Variants in ASNS observed in about 807,000 individuals in gnomAD.
ASNS encodes asparagine synthetase [glutamine-hydrolyzing].
In ASNS, 37 loss-of-function variants were observed where a neutral mutation model predicts 62.6. The ratio of observed to expected loss-of-function variants is 0.59; its 90% CI spans 0.45 to 0.78. The LOEUF is 0.78. Among genes scored for constraint, ASNS ranks in the 30% least tolerant of loss-of-function variants. ASNS has a pLI of 0.00. For synonymous variants in ASNS, 207 were observed against 237.9 expected, an observed-to-expected ratio of 0.87 and a Z score of 1.19; for missense variants, 520 against 682.4, an observed-to-expected ratio of 0.76 and a Z score of 2.65.
At chr7:97,886,174 G>A in the ASNS span, 21 of 278,198 alleles carry the variant, frequency 7.5e-5, no homozygotes, top group East Asian at 3.1e-4. Context: ...TTGAGACAGC[G>A]TCTTCCTCTG....
chr7:97,859,034 C>T (rs1791589216), intron 5 of ASNS, 79 bp from the exon 6 acceptor site: 2 of 1,424,206 alleles, frequency 1.4e-6, no homozygotes, highest in Non-Finnish European at 1.9e-6. Flanking sequence ...ACACAATCAT[C>T]AACATCTATC....
At chr7:97,861,381 T>C (rs1791712275) in intron 4 of ASNS, among the ~76,000 whole-genome samples, 1 of 152,232 alleles carries the variant, frequency 6.6e-6, no homozygotes. Flanking sequence ...AAGTTTTGCA[T>C]ATGGTTACAT....
At chr7:97,882,857 T>C in the ASNS span, among the ~76,000 whole-genome samples, 2 of 152,314 alleles carry the variant, frequency 1.3e-5, no homozygotes, top group African/African-American at 4.8e-5. Flanking sequence ...TCCACAGCAA[T>C]ATTAAAACTG....
At chr7:97,881,880 C>T in the ASNS span, among the ~76,000 whole-genome samples, 2 of 151,990 alleles carry the variant, frequency 1.3e-5, no homozygotes, top group Non-Finnish European at 1.5e-5. Context: ...ACAGCGTGAC[C>T]GATTTTATCT....
rs1791878380 is a variant in ASNS, at chr7:97,864,595, C to A, written c.250-99G>T. ...CTTCAGTATTTCTGAGCTCTATAAT[C>A]CTTTCATGCACTTTGGTGATTTAGG... is the stretch of plus-strand genomic sequence containing the variant. On this transcript the variant is annotated intron_variant, in intron 3 of 12. Coordinates refer to ENST00000394308, the MANE Select transcript of ASNS (RefSeq NM_001673.5). The A allele has an allele frequency of 6.1e-6, 5 of 823,950 alleles. No individual in the cohort carries two copies. In the South Asian group the frequency reaches 8.1e-5, roughly 13 times the overall value. 51.0% of individuals were successfully genotyped at this position (823,950 alleles called of 1,614,324 possible). A position where few individuals can be genotyped will look rare whatever the true frequency, so the allele number is the denominator to read the frequency against.
chr7:97,859,336 G>A lies in ASNS; in HGVS notation c.550C>T (p.His184Tyr), dbSNP rs1377609658. 22 of 1,613,910 alleles carry A rather than the reference G, an allele frequency of 1.4e-5. No individual in the cohort carries two copies. The highest frequency in any genetic ancestry group is 1.9e-5 in the Non-Finnish European group (22 of 1,179,970). Reference protein sequence around the residue: ...FLKVEPFLPGHYEVLDLKPNG... With the variant: ...FLKVEPFLPGYYEVLDLKPNG... ...GGCTTTAAATCCAAAACTTCATAGT[G>A]TCCAGGAAGAAAAGGCTCCACTTTT... Residue 184 changes from histidine to tyrosine, a missense_variant, in exon 5 of 13, where the codon CAC (histidine) becomes TAC (tyrosine). Coordinates refer to ENST00000394308, the MANE Select transcript of ASNS (RefSeq NM_001673.5).
chr7:97,896,275 C>T, the ASNS span, among the ~76,000 whole-genome samples: 1 of 151,956 alleles, frequency 6.6e-6, no homozygotes, highest in Non-Finnish European at 1.5e-5. Flanking sequence ...CTAGAAGCCT[C>T]ACACTACCTG....
chr7:97,901,686 T>C, the ASNS span, among the ~76,000 whole-genome samples: 1 of 152,136 alleles, frequency 6.6e-6, no homozygotes, highest in Non-Finnish European at 1.5e-5. Flanking sequence ...AACTCAAACC[T>C]TATGTGTGGG....
At chr7:97,886,444 G>A in the ASNS span, among the ~76,000 whole-genome samples, 1 of 152,198 alleles carries the variant, frequency 6.6e-6, no homozygotes, top group South Asian at 2.1e-4. Flanking sequence ...ACTGCGCCTG[G>A]CCTATATGAA....
upstream of ASNS, among the ~76,000 whole-genome samples, chr7:97,875,931 G>A (rs78806790): frequency 1.3e-5 from 2 of 151,298 alleles, no homozygotes; most frequent in African/African-American, 4.9e-5. Context: ...ATCATGGATC[G>A]CTGCAACTTC....
chr7:97,904,309 CACACACACAG>C, the ASNS span, among the ~76,000 whole-genome samples: 3 of 145,382 alleles, frequency 2.1e-5, no homozygotes, highest in East Asian at 3.9e-4. Context: ...CACACACACA[CACACACACAG>C]AGAGAGAGAA....
the ASNS span, among the ~76,000 whole-genome samples, chr7:97,890,710 G>A: frequency 6.6e-6 from 1 of 152,070 alleles, no homozygotes; most frequent in Admixed American, 6.6e-5. Flanking sequence ...TCATGCCACT[G>A]TACTCCAGCC....
the ASNS span, among the ~76,000 whole-genome samples, chr7:97,885,509 C>T: frequency 1.3e-5 from 2 of 152,234 alleles, no homozygotes; most frequent in African/African-American, 2.4e-5. Context: ...TGAGCTCCCT[C>T]TCTCCATTTA....
At chr7:97,859,420 T>G (rs1240562204) in intron 4 of ASNS, 22 bp from the exon 5 acceptor site, 2 of 1,573,144 alleles carry the variant, frequency 1.3e-6, no homozygotes, top group Non-Finnish European at 1.7e-6. Context: ...CAATGATACC[T>G]TTATTCAAAT....
upstream of ASNS, among the ~76,000 whole-genome samples, chr7:97,874,631 C>T (rs1792401484): frequency 2.0e-5 from 3 of 152,404 alleles, no homozygotes; most frequent in Middle Eastern, 6.8e-3. Context: ...CCACGTTCTT[C>T]TGTCATGGCT....
At chr7:97,887,062 A>G in the ASNS span, among the ~76,000 whole-genome samples, 1 of 152,224 alleles carries the variant, frequency 6.6e-6, no homozygotes, top group East Asian at 1.9e-4. Flanking sequence ...ATATTCAACA[A>G]TTCTGACCCC....
At chr7:97,868,268 A>G (rs1378563594) in intron 3 of ASNS, among the ~76,000 whole-genome samples, 2 of 152,210 alleles carry the variant, frequency 1.3e-5, no homozygotes, top group Non-Finnish European at 2.9e-5. Flanking sequence ...AGATCGCACC[A>G]CTGCACTCCA....
the ASNS span, among the ~76,000 whole-genome samples, chr7:97,891,398 C>T: frequency 6.6e-6 from 1 of 152,194 alleles, no homozygotes; most frequent in Non-Finnish European, 1.5e-5. Flanking sequence ...CTGGCCCTTC[C>T]CAAATCTCAT....
chr7:97,896,741 CATATATAT>C, the ASNS span, among the ~76,000 whole-genome samples: 208 of 19,784 alleles, frequency 0.011, 8 homozygotes, highest in South Asian at 0.028. Context: ...CACACACACA[CATATATAT>C]ATATATATAT....
Sources: gnomAD v4.1 joint callset for allele counts (sites outside exome capture counted in the v4.1 genomes callset) on GRCh38, gnomAD v4.1.1 for gene constraint, MANE v1.5 for transcripts, NCBI Gene and HGNC (gene_info 2026-07-23, HGNC 2026-07-21) for gene names.